Variants in RO60 observed in about 807,000 individuals in gnomAD.
The protein encoded by RO60 is RNA-binding protein RO60.
Under a neutral mutation model 55.3 loss-of-function variants are expected in RO60, and 20 were observed. The observed-to-expected ratio is 0.36, with a 90% confidence interval of 0.25 to 0.53. The LOEUF (loss-of-function observed/expected upper bound fraction) is 0.53. Ranked by LOEUF, RO60 falls within the 20% of genes least tolerant of loss-of-function variation. RO60 has a pLI of 0.92. For missense variants in RO60, 558 were observed against 646.6 expected (o/e 0.86, Z 1.49); for synonymous variants, 213 against 213.6 (o/e 1.00, Z 0.02).
chr1:193,075,799 C>T (rs1203021668), intron 2 of RO60, 21 bp from the exon 3 acceptor site: 2 of 1,548,726 alleles, frequency 1.3e-6, no homozygotes, highest in Admixed American at 2.0e-5. Flanking sequence ...CATGCTTTTT[C>T]AATTCTTTAT....
chr1:193,076,488 G>A lies in RO60; in HGVS notation c.802-13G>A. On this transcript the variant is annotated splice_polypyrimidine_tract_variant and intron_variant, in intron 3 of 8. Coordinates refer to ENST00000400968, the MANE Select transcript of RO60 (RefSeq NM_001173524.2). ...CTTAATTCCTGGTATTTCTGCCTAT[G>A]TTATTGCAATAGGTATGGAAGGCTT... is the stretch of plus-strand genomic sequence containing the variant. The A allele has an allele frequency of 1.2e-6, 2 of 1,606,984 alleles. No individual in the cohort carries two copies. Among genetic ancestry groups the A allele is most frequent in the South Asian group, 1.1e-5 (1 of 89,302 alleles).
In RO60 at chr1:193,069,305, G is replaced by A. The variant is rs1673323664; in HGVS notation, c.251G>A (p.Gly84Asp). 6.2e-7 allele frequency: 1 copy of A among 1,614,192 alleles called. No individual in the cohort carries two copies. The highest frequency in any genetic ancestry group is 1.3e-5 in the African/African-American group (1 of 75,036). Reference sequence around the variant, plus strand: ...GAAATAAAGTCATTTAGTCAAGAAGGCAGAACCACAAAGCAAGAGCCTATG... The same window carrying A: ...GAAATAAAGTCATTTAGTCAAGAAGACAGAACCACAAAGCAAGAGCCTATG... ...IQEIKSFSQE[G>D]RTTKQEPMLF... is the part of the protein sequence containing the mutation. The change falls in exon 2 of 9, where the codon GGC becomes GAC. Residue 84 changes from glycine (G) to aspartate (D), a missense_variant. Gly to Asp is a moderately conservative substitution (Grantham distance 94). Coordinates refer to ENST00000400968, the MANE Select transcript of RO60 (RefSeq NM_001173524.2).
At chr1:193,078,442 A>G (rs1285562870) in intron 5 of RO60, among the ~76,000 whole-genome samples, 2 of 152,200 alleles carry the variant, frequency 1.3e-5, no homozygotes, top group African/African-American at 4.8e-5. Context: ...AATGAAAGAC[A>G]TTGCAATTGG....
At chr1:193,074,599 ATTTG>A (rs1415113875) in intron 2 of RO60, among the ~76,000 whole-genome samples, 3 of 152,040 alleles carry the variant, frequency 2.0e-5, no homozygotes, top group Non-Finnish European at 2.9e-5. Context: ...TTTCTTGTAA[ATTTG>A]TTTGAGTTCT....
At chr1:193,075,749 T>A (rs1673866250) in intron 2 of RO60, 71 bp from the exon 3 acceptor site, 2 of 1,159,610 alleles carry the variant, frequency 1.7e-6, no homozygotes, top group Admixed American at 2.2e-5. Context: ...TATAATGCAT[T>A]TTGAGGAAAC....
chr1:193,085,139 A>G lies in RO60; in HGVS notation c.*408A>G. On this transcript the variant is annotated 3_prime_UTR_variant, in exon 9 of 9. Coordinates refer to ENST00000400968, the MANE Select transcript of RO60 (RefSeq NM_001173524.2). ...GGAAAGGACAGCTTTGATAATGTCC[A>G]AATACTCTGAAATGCACTAGACCAT... 1 of 1,391,468 alleles carries G rather than the reference A, an allele frequency of 7.2e-7. No homozygotes were observed. Among genetic ancestry groups the G allele is most frequent in the Non-Finnish European group, 9.3e-7 (1 of 1,072,416 alleles). 86.2% of individuals were successfully genotyped at this position (1,391,468 alleles called of 1,614,324 possible).
intron 5 of RO60, 131 bp from the exon 6 acceptor site, chr1:193,081,233 C>T: frequency 2.1e-6 from 1 of 474,892 alleles, no homozygotes; most frequent in South Asian, 4.1e-5. Context: ...AAATAGTTGT[C>T]AATTGGTATA....
In RO60 at chr1:193,076,591, A is replaced by G; in HGVS notation, c.892A>G (p.Asn298Asp). 2 of 1,611,192 alleles carry G rather than the reference A, an allele frequency of 1.2e-6. No individual in the cohort carries two copies. The highest frequency in any genetic ancestry group is 1.7e-6 in the Non-Finnish European group (2 of 1,178,890). ...TGCTAATTCAGTACTTGAACCAGGA[A>G]ATTCAGAAGTATCTTTAGTATGTGA... ...MTANSVLEPG[N>D]SEVSLVCEKL... The change falls in exon 4 of 9, where the codon AAT becomes GAT. Residue 298 changes from asparagine to aspartate, a missense_variant. By Grantham distance (23) the Asn-to-Asp change is conservative. Transcript: ENST00000400968.
At chr1:193,077,685 C>T (rs1382341670) in intron 5 of RO60, among the ~76,000 whole-genome samples, 1 of 152,132 alleles carries the variant, frequency 6.6e-6, no homozygotes, top group Non-Finnish European at 1.5e-5. Flanking sequence ...GGTGGGGACA[C>T]AGCCAAACCA....
rs140574448 is a variant in RO60 at position 193,075,142 on chromosome 1, A to G, written c.581-678A>G. Among the ~76,000 whole-genome samples the G allele has an allele frequency of 9.2e-5, 14 of 152,292 alleles. No individual in the cohort carries two copies. The East Asian group carries it at 2.7e-3, about 29-fold the overall frequency. On this transcript the variant is annotated intron_variant, in intron 2 of 8. Transcript: ENST00000400968. ...TGTAATCCAATCCCTGCTGTTTTAC[A>G]GAAGTGGTGAAACTAAGACCTAGAA...
chr1:193,071,737 T>C (rs1344608681), intron 2 of RO60, among the ~76,000 whole-genome samples: 2 of 148,660 alleles, frequency 1.3e-5, no homozygotes, highest in Admixed American at 6.8e-5. Flanking sequence ...ATTATATATA[T>C]ATATACACCT....
chr1:193,090,562 T>C lies in RO60; in HGVS notation c.*5831T>C, dbSNP rs1674818582. 6.6e-6 allele frequency: 1 copy of C among 151,846 alleles called. No individual in the cohort carries two copies. The highest frequency in any genetic ancestry group is 2.4e-5 in the African/African-American group (1 of 41,332). 9.4% of individuals were successfully genotyped at this position (151,846 alleles called of 1,614,324 possible). A position where few individuals can be genotyped will look rare whatever the true frequency, so the allele number is the denominator to read the frequency against. ...TTTCCAAAGGGATGAGATATAAGAA[T>C]CATCTTTTATAAAAACCAGTGGGGA... On this transcript the variant is annotated 3_prime_UTR_variant, in exon 9 of 9. Coordinates refer to ENST00000400968, the MANE Select transcript of RO60 (RefSeq NM_001173524.2).
In RO60 at chr1:193,088,193, T is replaced by TA; in HGVS notation, c.*3464dup. On this transcript the variant is annotated 3_prime_UTR_variant, in exon 9 of 9. Transcript: ENST00000400968. ...TTTTTTTTTTTTTTTTTTTTTTTTT[T>TA]AAGAGACAACGTCTCACTGTGTTGC... 9.9e-6 allele frequency: 1 copy of TA among 100,546 alleles called. No homozygotes were observed. Among genetic ancestry groups the TA allele is most frequent in the Non-Finnish European group, 2.1e-5 (1 of 48,486 alleles). The allele number at this position is 100,546 out of a possible 1,614,324, so 6.2% of individuals were successfully genotyped here. A position where few individuals can be genotyped will look rare whatever the true frequency, so the allele number is the denominator to read the frequency against.
intron 5 of RO60, among the ~76,000 whole-genome samples, chr1:193,079,386 G>A (rs1674145826): frequency 6.6e-6 from 1 of 152,120 alleles, no homozygotes; most frequent in Non-Finnish European, 1.5e-5. Context: ...ACTGCATCTG[G>A]ATGTCTGTTG....
intron 3 of RO60, 88 bp from the exon 4 acceptor site, chr1:193,076,413 T>A: frequency 7.3e-7 from 1 of 1,378,944 alleles, no homozygotes. Flanking sequence ...CCTCAGAGAC[T>A]GTATTATGAA....
In RO60 at chr1:193,085,257, T is replaced by C; in HGVS notation, c.*526T>C. Reference sequence around the variant, plus strand: ...GGCATTTGATTAAATTATGAATGAGTTTTACAAATTCCTTTCAGAGTTTTA... The same window carrying C: ...GGCATTTGATTAAATTATGAATGAGCTTTACAAATTCCTTTCAGAGTTTTA... On this transcript the variant is annotated 3_prime_UTR_variant, in exon 9 of 9. Coordinates refer to ENST00000400968, the MANE Select transcript of RO60 (RefSeq NM_001173524.2). 2 of 1,128,406 alleles carry C rather than the reference T, an allele frequency of 1.8e-6. No homozygotes were observed. Among genetic ancestry groups the C allele is most frequent in the Non-Finnish European group, 1.1e-6 (1 of 919,808 alleles). The allele number at this position is 1,128,406 out of a possible 1,614,324, so 69.9% of individuals were successfully genotyped here. A position where few individuals can be genotyped will look rare whatever the true frequency, so the allele number is the denominator to read the frequency against.
chr1:193,085,693 T>C lies in RO60; in HGVS notation c.*962T>C. 2 of 975,768 alleles carry C rather than the reference T, an allele frequency of 2.0e-6. No individual in the cohort carries two copies. The allele number at this position is 975,768 out of a possible 1,614,324, so 60.4% of individuals were successfully genotyped here. A position where few individuals can be genotyped will look rare whatever the true frequency, so the allele number is the denominator to read the frequency against. ...AAATAAAATTTTTTACTTTTAACTATTTTTTTAGTTAATATTTTTAAAAGT... is the reference window on the plus strand; with the variant it reads ...AAATAAAATTTTTTACTTTTAACTACTTTTTTAGTTAATATTTTTAAAAGT... On this transcript the variant is annotated 3_prime_UTR_variant, in exon 9 of 9. Coordinates refer to ENST00000400968, the MANE Select transcript of RO60 (RefSeq NM_001173524.2).
intron 2 of RO60, among the ~76,000 whole-genome samples, chr1:193,075,609 A>ATTT (rs1325720053): frequency 6.6e-6 from 1 of 152,098 alleles, no homozygotes; most frequent in Non-Finnish European, 1.5e-5. Context: ...TTTTACTCTA[A>ATTT]AGTCTCATAT....
intron 7 of RO60, 87 bp from the exon 8 acceptor site, chr1:193,082,475 T>C: frequency 1.4e-5 from 20 of 1,474,776 alleles, no homozygotes; most frequent in Non-Finnish European, 1.9e-5. Flanking sequence ...AGGCTGTATA[T>C]ATTGGTGCTA....
Sources: gnomAD v4.1 joint callset for allele counts (sites outside exome capture counted in the v4.1 genomes callset) on GRCh38, gnomAD v4.1.1 for gene constraint, MANE v1.5 for transcripts, NCBI Gene and HGNC (gene_info 2026-07-23, HGNC 2026-07-21) for gene names.